SPAG16: variants seen among roughly 807,000 people sequenced by gnomAD.
SPAG16 encodes sperm associated antigen 16.
In SPAG16, 86 loss-of-function variants were observed where a neutral mutation model predicts 80.4. That is an observed-to-expected ratio of 1.07 (90% CI 0.90 to 1.28). SPAG16 has a LOEUF of 1.28. Ranked by LOEUF, SPAG16 falls within the 50% of genes most tolerant of loss-of-function variation. SPAG16 has a pLI of 0.00. For synonymous variants in SPAG16, 294 were observed against 265.9 expected (o/e 1.11, Z -1.03); for missense variants, 870 against 765.3 (o/e 1.14, Z -1.61).
At chr2:213,358,083 C>T (rs1216552548) in intron 7 of SPAG16, among the ~76,000 whole-genome samples, 1 of 152,130 alleles carries the variant, frequency 6.6e-6, no homozygotes, top group African/African-American at 2.4e-5. Context: ...CGAATATTGG[C>T]CCCCACTCTC....
intron 6 of SPAG16, among the ~76,000 whole-genome samples, chr2:213,350,046 T>C (rs1197805961): frequency 1.3e-5 from 2 of 152,220 alleles, no homozygotes; most frequent in Non-Finnish European, 2.9e-5. Context: ...TTATTCCTTC[T>C]GTTTAGATAT....
At chr2:214,107,057 T>A (rs1036024959) in intron 13 of SPAG16, among the ~76,000 whole-genome samples, 3 of 152,146 alleles carry the variant, frequency 2.0e-5, no homozygotes, top group African/African-American at 7.2e-5. Flanking sequence ...CATTCTTTAT[T>A]CAAACTTTAT....
At chr2:213,684,076 G>C (rs1311544963) in intron 10 of SPAG16, among the ~76,000 whole-genome samples, 2 of 152,176 alleles carry the variant, frequency 1.3e-5, no homozygotes, top group East Asian at 3.8e-4. Context: ...GCTGAAAAAA[G>C]TTGTCAGCAT....
chr2:213,453,391 T>C (rs2071815574), intron 9 of SPAG16, among the ~76,000 whole-genome samples: 1 of 152,222 alleles, frequency 6.6e-6, no homozygotes, highest in Admixed American at 6.5e-5. Flanking sequence ...AGTGACAGTA[T>C]ATTTTTAACA....
chr2:214,348,171 G>T (rs1330999765), intron 15 of SPAG16, among the ~76,000 whole-genome samples: 1 of 152,136 alleles, frequency 6.6e-6, no homozygotes, highest in Non-Finnish European at 1.5e-5. Flanking sequence ...ACATGAAGAG[G>T]AGTGATAACC....
At chr2:213,415,750 G>A (rs1251290100) in intron 9 of SPAG16, among the ~76,000 whole-genome samples, 2 of 152,164 alleles carry the variant, frequency 1.3e-5, no homozygotes, top group South Asian at 2.1e-4. Flanking sequence ...AGGGAATTTG[G>A]ATGTCTTTGG....
At chr2:214,151,734 C>G (rs772635445) in intron 15 of SPAG16, among the ~76,000 whole-genome samples, 1 of 151,518 alleles carries the variant, frequency 6.6e-6, no homozygotes, top group Non-Finnish European at 1.5e-5. Context: ...ATACACCTAG[C>G]GTGTTATTTG....
Position 214,390,373 on chromosome 2 carries a change from A to T in SPAG16, c.1721-19767A>T, listed in dbSNP as rs75359596. On this transcript the variant is annotated intron_variant, in intron 15 of 15. Transcript: ENST00000331683. ...AAAAAAAAAAAAGTCCTTTTCACTCATGGGCTTTAATACCCATGTAATTAT... is the reference window on the plus strand; with the variant it reads ...AAAAAAAAAAAAGTCCTTTTCACTCTTGGGCTTTAATACCCATGTAATTAT... Among the ~76,000 whole-genome samples the T allele has an allele frequency of 1.0e-4, 15 of 146,054 alleles. No homozygotes were observed. In the East Asian group the frequency reaches 2.8e-3, roughly 28 times the overall value.
Position 213,594,096 on chromosome 2 carries a change from A to G in SPAG16, c.1070+104006A>G, listed in dbSNP as rs112615354. ...GGCCATCCCTGCCACATCTTATTAA[A>G]CTTCAACTCTTTAGCTTTGAGTCAC... On this transcript the variant is annotated intron_variant, in intron 10 of 15. Coordinates refer to ENST00000331683, the MANE Select transcript of SPAG16 (RefSeq NM_024532.5). Among the ~76,000 whole-genome samples, 236 of 151,810 alleles carry G rather than the reference A, an allele frequency of 1.6e-3. 3 individuals are homozygous for G. Among genetic ancestry groups the G allele is most frequent in the African/African-American group, 4.6e-3 (192 of 41,428 alleles).
chr2:213,443,567 G>A (rs1037232996), intron 9 of SPAG16, among the ~76,000 whole-genome samples: 2 of 152,062 alleles, frequency 1.3e-5, no homozygotes, highest in Admixed American at 1.3e-4. Flanking sequence ...AGACACCTAT[G>A]TTGTTTCCAT....
intron 12 of SPAG16, among the ~76,000 whole-genome samples, chr2:213,949,298 G>A (rs2079627924): frequency 6.7e-6 from 1 of 148,772 alleles, no homozygotes; most frequent in Admixed American, 6.8e-5. Context: ...AGCCGCCTAA[G>A]TATCTGGGAC....
At chr2:214,397,229 C>T (rs968494141) in intron 15 of SPAG16, among the ~76,000 whole-genome samples, 4 of 146,440 alleles carry the variant, frequency 2.7e-5, no homozygotes, top group Non-Finnish European at 4.5e-5. Flanking sequence ...AATCTCGGCT[C>T]ACTGCAACCT....
chr2:213,881,387 A>G (rs868192099), intron 11 of SPAG16, among the ~76,000 whole-genome samples: 2 of 152,112 alleles, frequency 1.3e-5, no homozygotes, highest in African/African-American at 4.8e-5. Flanking sequence ...AGATTTTCCT[A>G]TATGTAGGAT....
intron 9 of SPAG16, among the ~76,000 whole-genome samples, chr2:213,438,588 G>T (rs1363196090): frequency 2.0e-5 from 3 of 152,208 alleles, no homozygotes; most frequent in Non-Finnish European, 4.4e-5. Context: ...GTTTACTACT[G>T]TTCTAGGTAG....
intron 15 of SPAG16, among the ~76,000 whole-genome samples, chr2:214,293,043 T>C (rs1241288365): frequency 6.6e-6 from 1 of 152,184 alleles, no homozygotes; most frequent in African/African-American, 2.4e-5. Flanking sequence ...CCAGTGGTGG[T>C]AGTGGTGGGC....
Position 214,158,456 on chromosome 2 carries a change from G to A in SPAG16, c.1720+9190G>A, listed in dbSNP as rs376536354. On this transcript the variant is annotated intron_variant, in intron 15 of 15. Coordinates refer to ENST00000331683, the MANE Select transcript of SPAG16 (RefSeq NM_024532.5). ...GTTATTCTCGCATACCTCACAACAC[G>A]GTCTCTGTAGCAACAGGAATTTTGA... is the stretch of plus-strand genomic sequence containing the variant. Among the ~76,000 whole-genome samples the A allele has an allele frequency of 6.7e-4, 101 of 151,850 alleles. 2 individuals are homozygous for A. The South Asian group carries it at 0.021, about 31-fold the overall frequency.
chr2:214,265,683 G>A (rs1284865523), intron 15 of SPAG16, among the ~76,000 whole-genome samples: 11 of 151,902 alleles, frequency 7.2e-5, no homozygotes, highest in Non-Finnish European at 5.9e-5. Flanking sequence ...CAAACCAATG[G>A]TCATGTAGAT....
chr2:213,536,773 G>A (rs1219985708), intron 10 of SPAG16, among the ~76,000 whole-genome samples: 1 of 151,956 alleles, frequency 6.6e-6, no homozygotes, highest in Non-Finnish European at 1.5e-5. Context: ...CTCCCATTTT[G>A]TAGGTTGCCT....
chr2:213,702,301 C>G (rs147577078), intron 10 of SPAG16, among the ~76,000 whole-genome samples: 49 of 152,354 alleles, frequency 3.2e-4, no homozygotes, highest in Middle Eastern at 6.8e-3. Flanking sequence ...CTGCCCGAGC[C>G]AGCTGCGGCA....
Sources: allele counts gnomAD v4.1 joint callset (sites outside exome capture counted in the v4.1 genomes callset), GRCh38; gene constraint gnomAD v4.1.1; transcripts MANE v1.5; gene names NCBI Gene and HGNC (gene_info 2026-07-23, HGNC 2026-07-21).